The following CRIM1 variants were observed in gnomAD, a reference collection of about 807,000 sequenced individuals.
CRIM1 encodes cysteine-rich motor neuron 1 protein.
Under a neutral mutation model 116.4 loss-of-function variants are expected in CRIM1, and 32 were observed. That is an observed-to-expected ratio of 0.27 (90% CI 0.21 to 0.37). The LOEUF is 0.37. Among genes scored for constraint, CRIM1 ranks in the 10% least tolerant of loss-of-function variants. CRIM1 has a pLI of 1.00. For missense variants in CRIM1, 1,331 were observed against 1,354.8 expected, an observed-to-expected ratio of 0.98 and a Z score of 0.28; for synonymous variants, 590 against 509.2, an observed-to-expected ratio of 1.16 and a Z score of -2.13.
At chr2:36,476,318 A>G (rs1277059160) in intron 5 of CRIM1, among the ~76,000 whole-genome samples, 1 of 152,170 alleles carries the variant, frequency 6.6e-6, no homozygotes, top group African/African-American at 2.4e-5. Flanking sequence ...AATAATACCT[A>G]TGTCAGACCT....
At chr2:36,439,493 A>C (rs1217759539) in intron 2 of CRIM1, among the ~76,000 whole-genome samples, 1 of 152,146 alleles carries the variant, frequency 6.6e-6, no homozygotes, top group African/African-American at 2.4e-5. Flanking sequence ...AAGGGGTTCT[A>C]AATCGCCAGG....
In CRIM1 at chr2:36,492,003, T is replaced by TA. The variant is rs199640324; in HGVS notation, c.1373-7207dup. ...TCCTGGAAAAAGATACCCCACTCTATAAAAAAAAATTTTAATTTGTCTTTT... is the reference window on the plus strand; with the variant it reads ...TCCTGGAAAAAGATACCCCACTCTATAAAAAAAAAATTTTAATTTGTCTTTT... On this transcript the variant is annotated intron_variant, in intron 7 of 16. Transcript: ENST00000280527. Among the ~76,000 whole-genome samples the TA allele has an allele frequency of 5.1e-3, 768 of 151,876 alleles. 4 individuals carry two copies. Among genetic ancestry groups the TA allele is most frequent in the African/African-American group, 0.018 (735 of 41,454 alleles).
Position 36,359,671 on chromosome 2 carries a change from G to A in CRIM1, c.331+3048G>A, listed in dbSNP as rs114571641. 2.5e-3 allele frequency among the ~76,000 whole-genome samples: 382 copies of A among 152,292 alleles called. 3 individuals carry two copies. The highest frequency in any genetic ancestry group is 8.3e-3 in the African/African-American group (344 of 41,560). The stretch of plus-strand genomic sequence containing the variant: ...GTGTCCTGTGCACCATGTGAGATGT[G>A]CACTTGGATTTCTTTTCCGCATTGT... On this transcript the variant is annotated intron_variant, in intron 1 of 16. Coordinates refer to ENST00000280527, the MANE Select transcript of CRIM1 (RefSeq NM_016441.3).
At chr2:36,424,740 T>C (rs889636053) in intron 2 of CRIM1, among the ~76,000 whole-genome samples, 1 of 152,186 alleles carries the variant, frequency 6.6e-6, no homozygotes, top group Non-Finnish European at 1.5e-5. Flanking sequence ...CCCTAGTCTC[T>C]CCTTTCTCTA....
At chr2:36,466,050 T>TACAA (rs759754162) in intron 5 of CRIM1, among the ~76,000 whole-genome samples, 67,828 of 151,600 alleles carry the variant, frequency 0.45, 15,526 homozygotes, top group South Asian at 0.67. Context: ...CACACGCGGC[T>TACAA]AATTTTTTTG....
intron 2 of CRIM1, among the ~76,000 whole-genome samples, chr2:36,437,464 G>A (rs1166956189): frequency 6.6e-6 from 1 of 152,008 alleles, no homozygotes; most frequent in Non-Finnish European, 1.5e-5. Context: ...CATTACTCAA[G>A]TTTATAAATT....
At chr2:36,462,311 A>G (rs1323053426) in intron 4 of CRIM1, among the ~76,000 whole-genome samples, 1 of 152,206 alleles carries the variant, frequency 6.6e-6, no homozygotes, top group Admixed American at 6.5e-5. Flanking sequence ...CCTCTATGCA[A>G]TATATGTCTA....
intron 1 of CRIM1, among the ~76,000 whole-genome samples, chr2:36,380,209 A>G (rs914005088): frequency 2.0e-5 from 3 of 152,146 alleles, no homozygotes; most frequent in African/African-American, 7.2e-5. Context: ...CCTTCTCCAC[A>G]AGACCAGGCT....
At chr2:36,465,606 T>G (rs188564382) in intron 5 of CRIM1, among the ~76,000 whole-genome samples, 1 of 152,316 alleles carries the variant, frequency 6.6e-6, no homozygotes, top group East Asian at 1.9e-4. Context: ...TCCTGTGATT[T>G]TTAGGCCCGT....
intron 13 of CRIM1, 139 bp from the exon 14 acceptor site, chr2:36,537,213 G>A (rs1272968813): frequency 1.3e-6 from 1 of 793,726 alleles, no homozygotes; most frequent in Non-Finnish European, 2.0e-6. Context: ...AAAGACTAGG[G>A]AAACAAAAGT....
chr2:36,500,350 A>G (rs908757772), intron 8 of CRIM1, among the ~76,000 whole-genome samples: 2 of 152,112 alleles, frequency 1.3e-5, no homozygotes, highest in Non-Finnish European at 2.9e-5. Flanking sequence ...GTACTCCACA[A>G]TTTGGTCTGC....
chr2:36,391,270 A>G (rs1172801924), intron 1 of CRIM1, among the ~76,000 whole-genome samples: 2 of 151,328 alleles, frequency 1.3e-5, no homozygotes, highest in African/African-American at 4.9e-5. Flanking sequence ...CTGGGACTAC[A>G]GGCGCCCGCC....
intron 8 of CRIM1, among the ~76,000 whole-genome samples, chr2:36,503,730 A>T (rs1432059902): frequency 6.6e-6 from 1 of 151,988 alleles, no homozygotes; most frequent in Non-Finnish European, 1.5e-5. Context: ...TTTCTATTGC[A>T]GCTGCTTTAT....
At chr2:36,460,058 C>T (rs1412525799) in intron 4 of CRIM1, among the ~76,000 whole-genome samples, 1 of 151,950 alleles carries the variant, frequency 6.6e-6, no homozygotes, top group Non-Finnish European at 1.5e-5. Context: ...CCATTGTACT[C>T]AGGCACTCAG....
At chr2:36,474,162 A>T (rs1678770614) in intron 5 of CRIM1, among the ~76,000 whole-genome samples, 1 of 151,908 alleles carries the variant, frequency 6.6e-6, no homozygotes, top group Non-Finnish European at 1.5e-5. Context: ...TGTCTGTTCA[A>T]AGGTTTGCCC....
At chr2:36,451,533 T>C (rs1676724407) in intron 4 of CRIM1, among the ~76,000 whole-genome samples, 1 of 152,226 alleles carries the variant, frequency 6.6e-6, no homozygotes, top group Non-Finnish European at 1.5e-5. Flanking sequence ...AGGGATTTTC[T>C]TATTCCTCTG....
At chr2:36,511,342 G>A (rs1202072588) in intron 9 of CRIM1, among the ~76,000 whole-genome samples, 1 of 152,088 alleles carries the variant, frequency 6.6e-6, no homozygotes, top group East Asian at 1.9e-4. Flanking sequence ...TTTGGGAGGG[G>A]TCGTCTTTAT....
intron 13 of CRIM1, among the ~76,000 whole-genome samples, chr2:36,530,221 T>C (rs1039963382): frequency 2.6e-5 from 4 of 152,210 alleles, no homozygotes; most frequent in Non-Finnish European, 5.9e-5. Context: ...AGACTTCAGT[T>C]GAGTTCCATC....
chr2:36,529,144 T>G, intron 13 of CRIM1: 1 of 471,368 alleles, frequency 2.1e-6, no homozygotes, highest in Non-Finnish European at 4.4e-6. Context: ...TTCTCTTATT[T>G]TGGTCCAGGA....
Sources: gnomAD v4.1 joint callset for allele counts (sites outside exome capture counted in the v4.1 genomes callset) on GRCh38, gnomAD v4.1.1 for gene constraint, MANE v1.5 for transcripts, NCBI Gene and HGNC (gene_info 2026-07-23, HGNC 2026-07-21) for gene names.